The following FBXO38 variants were observed in gnomAD, a reference collection of about 807,000 sequenced individuals.
FBXO38 encodes F-box only protein 38.
A neutral mutation model predicts 131.9 loss-of-function variants in FBXO38; 53 were observed. The observed-to-expected ratio is 0.40, with a 90% CI of 0.32 to 0.51. The LOEUF (loss-of-function observed/expected upper bound fraction) is 0.51, where lower values mean the gene tolerates loss of function less well. Among genes scored for constraint, FBXO38 ranks in the 20% least tolerant of loss-of-function variants. The probability of loss-of-function intolerance (pLI) is 0.53; values close to 1 mark genes in which losing one functional copy is unlikely to be tolerated. For missense variants in FBXO38, 1,076 were observed against 1,475.6 expected, an observed-to-expected ratio of 0.73 and a Z score of 4.44; for synonymous variants, 452 against 505.6, an observed-to-expected ratio of 0.89 and a Z score of 1.42.
rs755154176 is a variant in FBXO38, at chr5:148,402,524, G to C, written c.592+11G>C. The C allele has an allele frequency of 6.3e-7, 1 of 1,587,148 alleles. No homozygotes were observed. The highest frequency in any genetic ancestry group is 1.1e-5 in the South Asian group (1 of 88,822). ...CTTTACATTTAGTTGGTGAGTACAT[G>C]TTTCTTGGGTCACTTGTAACTCCTT... On this transcript the variant is annotated intron_variant, in intron 5 of 21. Transcript: ENST00000340253.
At chr5:148,401,139 T>G (rs1162745904) in intron 3 of FBXO38, among the ~76,000 whole-genome samples, 1 of 152,188 alleles carries the variant, frequency 6.6e-6, no homozygotes, top group Non-Finnish European at 1.5e-5. Context: ...AATGTTTTTC[T>G]TTGTCATTAA....
chr5:148,433,853 G>T, intron 17 of FBXO38, 116 bp downstream of exon 17: 1 of 567,172 alleles, frequency 1.8e-6, no homozygotes, highest in Admixed American at 3.0e-5. Context: ...ATATTGTGTT[G>T]GGTTATCTTT....
At chr5:148,387,625 T>G (rs892023795) in intron 1 of FBXO38, among the ~76,000 whole-genome samples, 5 of 152,168 alleles carry the variant, frequency 3.3e-5, no homozygotes, top group African/African-American at 1.2e-4. Context: ...GTTTTGAATT[T>G]AGTTTGCCCA....
chr5:148,420,177 T>C (rs956969721), intron 12 of FBXO38, among the ~76,000 whole-genome samples: 2 of 149,380 alleles, frequency 1.3e-5, no homozygotes, highest in African/African-American at 5.0e-5. Context: ...GGCTGGAGGG[T>C]AGTGGCATGA....
chr5:148,436,866 G>GA (rs1754372122), intron 17 of FBXO38, among the ~76,000 whole-genome samples: 1 of 152,118 alleles, frequency 6.6e-6, no homozygotes, highest in South Asian at 2.1e-4. Context: ...ATCTCCTATT[G>GA]GAGTTTCCTT....
intron 2 of FBXO38, among the ~76,000 whole-genome samples, chr5:148,395,363 C>A (rs1581226963): frequency 6.6e-6 from 1 of 151,938 alleles, no homozygotes; most frequent in Non-Finnish European, 1.5e-5. Flanking sequence ...TGAGATAATA[C>A]CCATCATAAC....
chr5:148,441,192 G>A lies in FBXO38; in HGVS notation c.3343G>A (p.Glu1115Lys). Reference protein sequence around the residue: ...FPWLRSLRAAEPNSFARYDFE... With the variant: ...FPWLRSLRAAKPNSFARYDFE... ...TTGGCTGAGGTCATTACGAGCTGCA[G>A]AGCCCAACAGCTTCGCTCGATACGA... The change falls in exon 21 of 22, where the codon GAG becomes AAG. Residue 1115 changes from glutamate (E) to lysine (K), a missense_variant. By Grantham distance (56) the Glu-to-Lys change is moderately conservative (BLOSUM62 1). Transcript: ENST00000340253. The A allele has an allele frequency of 2.5e-6, 4 of 1,613,744 alleles. No homozygotes were observed. The highest frequency in any genetic ancestry group is 3.4e-6 in the Non-Finnish European group (4 of 1,179,896).
chr5:148,394,937 G>T, intron 2 of FBXO38, 33 bp downstream of exon 2: 2 of 1,538,218 alleles, frequency 1.3e-6, no homozygotes, highest in Non-Finnish European at 1.8e-6. Flanking sequence ...TACCTGCCTG[G>T]AATGGATAAG....
At chr5:148,420,457 A>G (rs1178014934) in intron 12 of FBXO38, among the ~76,000 whole-genome samples, 3 of 152,020 alleles carry the variant, frequency 2.0e-5, no homozygotes, top group Admixed American at 6.6e-5. Flanking sequence ...AACAATTTAC[A>G]TTTGCCTATA....
At chr5:148,415,832 A>C (rs552677016) in intron 10 of FBXO38, 96 bp from the exon 11 acceptor site, 1 of 1,293,364 alleles carries the variant, frequency 7.7e-7, no homozygotes, top group Non-Finnish European at 1.1e-6. Context: ...ATTTTAAAAA[A>C]AAGGATTTGA....
Position 148,425,555 on chromosome 5 carries a change from C to A in FBXO38, c.1772C>A (p.Thr591Asn). 1.9e-6 allele frequency: 3 copies of A among 1,613,640 alleles called. No individual in the cohort carries two copies. Among genetic ancestry groups the A allele is most frequent in the Non-Finnish European group, 2.5e-6 (3 of 1,179,696 alleles). The change falls in exon 14 of 22, where the codon ACC becomes AAC. Residue 591 changes from threonine to asparagine, a missense_variant. Physicochemically the swap from Thr to Asn is moderately conservative, Grantham distance 65. Coordinates refer to ENST00000340253, the MANE Select transcript of FBXO38 (RefSeq NM_205836.3). ...GGTCTTCAGCGTGTAGTAAAACCAA[C>A]CTCAATTACTGTTCATGATTCAGAG... Reference protein sequence around the residue: ...PSGLQRVVKPTSITVHDSESD... With the variant: ...PSGLQRVVKPNSITVHDSESD...
At position 148,409,170 on chromosome 5, in the gene FBXO38, T is replaced by G. The variant is rs767430187; in HGVS notation, c.915T>G (p.Asn305Lys). 11 of 1,613,512 alleles carry G rather than the reference T, an allele frequency of 6.8e-6. No individual in the cohort carries two copies. Among genetic ancestry groups the G allele is most frequent in the Non-Finnish European group, 9.3e-6 (11 of 1,179,616 alleles). ...LHTIVLGACK[N>K]ALEVDLGYLI... ...CTATTGTTCTGGGAGCTTGCAAAAA[T>G]GCTCTTGAAGTAGATCTTGGTTACC... Residue 305 changes from asparagine (N) to lysine (K), a missense_variant, in exon 8 of 22, where the codon AAT becomes AAG. Physicochemically the swap from Asn to Lys is moderately conservative, Grantham distance 94. Around this residue, in one of 8 missense-constraint regions of FBXO38, gnomAD observed 146 missense variants for 274.3 expected, o/e 0.53. Transcript: ENST00000340253.
rs186706479 is a variant in FBXO38, at chr5:148,434,363, G to A, written c.2857+626G>A. Reference sequence around the variant, plus strand: ...AGTTTTGTGCTTTCTTAAAATTTAGGTACATAGTGTATCCTATAATTGATC... The same window carrying A: ...AGTTTTGTGCTTTCTTAAAATTTAGATACATAGTGTATCCTATAATTGATC... On this transcript the variant is annotated intron_variant, in intron 17 of 21. Coordinates refer to ENST00000340253, the MANE Select transcript of FBXO38 (RefSeq NM_205836.3). 2.0e-5 allele frequency: 3 copies of A among 152,024 alleles called. No homozygotes were observed. In the East Asian group the frequency reaches 5.8e-4, roughly 29 times the overall value. The allele number at this position is 152,024 out of a possible 1,614,324, so 9.4% of individuals were successfully genotyped here. A position where few individuals can be genotyped will look rare whatever the true frequency, so the allele number is the denominator to read the frequency against.
intron 1 of FBXO38, among the ~76,000 whole-genome samples, chr5:148,391,068 G>A (rs753675102): frequency 2.6e-4 from 40 of 152,292 alleles, no homozygotes; most frequent in Admixed American, 4.6e-4. Context: ...CTGGTTAATC[G>A]TCCTGTTGAG....
chr5:148,405,256 A>T (rs1260399024), intron 6 of FBXO38, among the ~76,000 whole-genome samples: 1 of 152,172 alleles, frequency 6.6e-6, no homozygotes, highest in South Asian at 2.1e-4. Flanking sequence ...CCCACGGTCC[A>T]CTGGCCACAG....
intron 13 of FBXO38, 37 bp from the exon 14 acceptor site, chr5:148,425,485 G>A (rs377109381): frequency 4.2e-5 from 65 of 1,546,038 alleles, no homozygotes; most frequent in African/African-American, 9.6e-5. Context: ...CCTTTCTTGC[G>A]CAAAAAGTAA....
chr5:148,433,860 C>G (rs1754186142), intron 17 of FBXO38, 123 bp downstream of exon 17: 1 of 545,406 alleles, frequency 1.8e-6, no homozygotes, highest in Non-Finnish European at 3.3e-6. Flanking sequence ...GTTGGGTTAT[C>G]TTTAGTTCCG....
intron 12 of FBXO38, among the ~76,000 whole-genome samples, chr5:148,419,884 A>G (rs1209170543): frequency 6.6e-6 from 1 of 152,158 alleles, no homozygotes; most frequent in Non-Finnish European, 1.5e-5. Context: ...GGGGCATTGT[A>G]TAATTTTAAA....
chr5:148,406,633 GT>G (rs1752460239), intron 7 of FBXO38, among the ~76,000 whole-genome samples: 2 of 151,988 alleles, frequency 1.3e-5, no homozygotes, highest in Admixed American at 1.3e-4. Flanking sequence ...TTTCTGGCTT[GT>G]TTTGACTTTT....
Sources: allele counts gnomAD v4.1 joint callset (sites outside exome capture counted in the v4.1 genomes callset), GRCh38; gene constraint gnomAD v4.1.1; regional missense constraint gnomAD v4.1.1; transcripts MANE v1.5; gene names NCBI Gene and HGNC (gene_info 2026-07-23, HGNC 2026-07-21).